KHNYN: variants seen among roughly 807,000 people sequenced by gnomAD.
KHNYN encodes the protein KH and NYN domain containing.
A neutral mutation model predicts 62.7 loss-of-function variants in KHNYN; 42 were observed. That is an observed-to-expected ratio of 0.67 (90% CI 0.52 to 0.87). The LOEUF is 0.87. Ranked by LOEUF, KHNYN falls within the 40% of genes least tolerant of loss-of-function variation. The pLI is 0.00. For synonymous variants in KHNYN, 347 were observed against 345.6 expected (o/e 1.00, Z -0.04); for missense variants, 829 against 874.1 (o/e 0.95, Z 0.65).
chr14:24,428,213 A>C, upstream of KHNYN: 1 of 1,580,616 alleles, frequency 6.3e-7, no homozygotes. Flanking sequence ...GTCCACCCGG[A>C]GGTCAGCTGG....
In KHNYN at chr14:24,438,927, G is replaced by A. The variant is rs886139812; in HGVS notation, c.*1642G>A. Reference sequence around the variant, plus strand: ...ACTGCATGGCGAGTGTAATGATGATGGGGAGGGTCCTTGTGTCCTCACCCC... The same window carrying A: ...ACTGCATGGCGAGTGTAATGATGATAGGGAGGGTCCTTGTGTCCTCACCCC... On this transcript the variant is annotated 3_prime_UTR_variant, in exon 8 of 8. Transcript: ENST00000553935. 10 of 152,188 alleles carry A rather than the reference G, an allele frequency of 6.6e-5. No individual in the cohort carries two copies. The highest frequency in any genetic ancestry group is 1.3e-4 in the Non-Finnish European group (9 of 68,072). The allele number at this position is 152,188 out of a possible 1,614,324, so 9.4% of individuals were successfully genotyped here.
chr14:24,438,451 C>T lies in KHNYN; in HGVS notation c.*1166C>T, dbSNP rs1194401553. ...ATGGGAGGACTTAACGGAAGTTGAA[C>T]CAGTTGGTTCTAGATGAACCAATTA... On this transcript the variant is annotated 3_prime_UTR_variant, in exon 8 of 8. Coordinates refer to ENST00000553935, the MANE Select transcript of KHNYN (RefSeq NM_015299.3). 2.6e-5 allele frequency: 4 copies of T among 152,334 alleles called. No individual in the cohort carries two copies. Among genetic ancestry groups the T allele is most frequent in the African/African-American group, 9.7e-5 (4 of 41,436 alleles). The allele number at this position is 152,334 out of a possible 1,614,324, so 9.4% of individuals were successfully genotyped here.
At chr14:24,423,840 A>G in the KHNYN span, among the ~76,000 whole-genome samples, 5 of 152,210 alleles carry the variant, frequency 3.3e-5, no homozygotes, top group Non-Finnish European at 7.3e-5. Flanking sequence ...TAGGATCCTT[A>G]AAGTCTGAGG....
chr14:24,429,908 G>A (rs1336283590), upstream of KHNYN: 3 of 1,010,650 alleles, frequency 3.0e-6, no homozygotes, highest in Non-Finnish European at 3.6e-6. Context: ...GCAGCCGGGA[G>A]GAGCTGGGCT....
chr14:24,429,870 C>CGCG (rs1483333607), upstream of KHNYN: 1 of 1,008,064 alleles, frequency 9.9e-7, no homozygotes, highest in Non-Finnish European at 1.2e-6. Flanking sequence ...GGCCTCTGGG[C>CGCG]GCGGCGGCGG....
intron 2 of KHNYN, 144 bp downstream of exon 2, chr14:24,431,075 G>C: frequency 1.4e-6 from 1 of 732,110 alleles, no homozygotes; most frequent in South Asian, 1.9e-5. Context: ...CAACCTCAGT[G>C]CCCCTGAGTT....
At chr14:24,428,215 G>T (rs1391652471), upstream of KHNYN, 11 of 1,585,654 alleles carry the variant, frequency 6.9e-6, no homozygotes, top group Non-Finnish European at 9.4e-6. Context: ...CCACCCGGAG[G>T]TCAGCTGGGC....
upstream of KHNYN, chr14:24,428,260 G>A: frequency 6.2e-7 from 1 of 1,612,202 alleles, no homozygotes; most frequent in Non-Finnish European, 8.5e-7. Flanking sequence ...TCCTGAGCCG[G>A]GGATGGGGGC....
upstream of KHNYN, among the ~76,000 whole-genome samples, chr14:24,425,984 T>C (rs1385161067): frequency 3.9e-5 from 6 of 152,322 alleles, 1 homozygote; most frequent in South Asian, 1.2e-3. Context: ...ACCTTGCAAA[T>C]AGACAAAATG....
the KHNYN span, among the ~76,000 whole-genome samples, chr14:24,424,117 G>A: frequency 6.6e-6 from 1 of 152,094 alleles, no homozygotes; most frequent in Non-Finnish European, 1.5e-5. Flanking sequence ...ACCATTATAA[G>A]GATTATAAAG....
At chr14:24,435,725 C>A in intron 5 of KHNYN, 1 of 294,454 alleles carries the variant, frequency 3.4e-6, no homozygotes. Context: ...ACTGGGAGAC[C>A]ACCTTGGATT....
rs911576040 is a variant in KHNYN, at chr14:24,439,583, A to G, written c.*2298A>G. On this transcript the variant is annotated 3_prime_UTR_variant, in exon 8 of 8. Transcript: ENST00000553935. Reference sequence around the variant, plus strand: ...CTCTCTTCTAGTGTCTATCTTTATCATAACCTGATGTCCCAAACTTGTGAC... The same window carrying G: ...CTCTCTTCTAGTGTCTATCTTTATCGTAACCTGATGTCCCAAACTTGTGAC... 1 of 153,436 alleles carries G rather than the reference A, an allele frequency of 6.5e-6. No homozygotes were observed. Among genetic ancestry groups the G allele is most frequent in the East Asian group, 1.9e-4 (1 of 5,210 alleles). The allele number at this position is 153,436 out of a possible 1,614,324, so 9.5% of individuals were successfully genotyped here.
chr14:24,424,317 T>C (rs1373103460), upstream of KHNYN, among the ~76,000 whole-genome samples: 1 of 152,244 alleles, frequency 6.6e-6, no homozygotes, highest in African/African-American at 2.4e-5. Flanking sequence ...TCTAAAATGA[T>C]TAAAATCTGA....
intron 1 of KHNYN, 131 bp downstream of exon 1, chr14:24,430,250 G>T: frequency 1.3e-5 from 10 of 799,004 alleles, no homozygotes; most frequent in Non-Finnish European, 1.4e-5. Context: ...GGCCCTGGGC[G>T]GTGCTCCTGG....
chr14:24,435,034 G>A (rs112958656), intron 5 of KHNYN, among the ~76,000 whole-genome samples: 6,261 of 152,264 alleles, frequency 0.041, 165 homozygotes, highest in Middle Eastern at 0.071. Context: ...TTGGATCTCT[G>A]TTTCTAAATC....
chr14:24,430,136 A>T lies in KHNYN; in HGVS notation c.-18+17A>T, dbSNP rs2043076613. ...GCGGAGGCGGTAGGCGCGCCCCTCC[A>T]CCGCGCCCGGGAGCGGGGAGCGGGG... On this transcript the variant is annotated intron_variant, in intron 1 of 7. Coordinates refer to ENST00000553935, the MANE Select transcript of KHNYN (RefSeq NM_015299.3). The T allele has an allele frequency of 1.0e-6, 1 of 983,238 alleles. No individual in the cohort carries two copies. The highest frequency in any genetic ancestry group is 1.8e-5 in the African/African-American group (1 of 56,904). The allele number at this position is 983,238 out of a possible 1,614,324, so 60.9% of individuals were successfully genotyped here. A position where few individuals can be genotyped will look rare whatever the true frequency, so the allele number is the denominator to read the frequency against.
upstream of KHNYN, chr14:24,427,861 G>A: frequency 6.2e-7 from 1 of 1,614,134 alleles, no homozygotes; most frequent in East Asian, 2.2e-5. The surrounding 1 kb of genome is among the most constrained non-coding windows in gnomAD (Gnocchi z 4.4). Flanking sequence ...CCCGACGCAG[G>A]CGCAGAGACA....
chr14:24,430,123 G>C lies in KHNYN; in HGVS notation c.-18+4G>C. The C allele has an allele frequency of 1.0e-6, 1 of 984,398 alleles. No individual in the cohort carries two copies. The highest frequency in any genetic ancestry group is 1.2e-6 in the Non-Finnish European group (1 of 829,410). 61.0% of individuals were successfully genotyped at this position (984,398 alleles called of 1,614,324 possible). ...GCCGGCGCGGGCGGCGGAGGCGGTA[G>C]GCGCGCCCCTCCACCGCGCCCGGGA... On this transcript the variant is annotated splice_donor_region_variant and intron_variant, in intron 1 of 7. Coordinates refer to ENST00000553935, the MANE Select transcript of KHNYN (RefSeq NM_015299.3).
At chr14:24,427,608 G>T, upstream of KHNYN, 1 of 649,048 alleles carries the variant, frequency 1.5e-6, no homozygotes, top group East Asian at 2.6e-5. This position sits in a 1 kb window ranked among gnomAD's most constrained non-coding sequence, Gnocchi z 4.4. Flanking sequence ...GAAAGGCCTG[G>T]TCTGGAGATG....
Sources: allele counts gnomAD v4.1 joint callset (sites outside exome capture counted in the v4.1 genomes callset), GRCh38; gene constraint gnomAD v4.1.1; non-coding constraint Gnocchi (gnomAD v3.1); transcripts MANE v1.5; gene names NCBI Gene and HGNC (gene_info 2026-07-23, HGNC 2026-07-21).